Variants in ATP10B observed in about 807,000 individuals in gnomAD.
ATP10B encodes the protein phospholipid-transporting ATPase VB.
Under a neutral mutation model 141.2 loss-of-function variants are expected in ATP10B, and 122 were observed. The observed-to-expected ratio is 0.86, with a 90% CI of 0.75 to 1.00. The LOEUF is 1.00. ATP10B is among the 50% of genes least tolerant of loss of function. ATP10B has a pLI of 0.00. For synonymous variants in ATP10B, 685 were observed against 692.0 expected (o/e 0.99, Z 0.16); for missense variants, 1,876 against 1,825.3 (o/e 1.03, Z -0.51).
At chr5:160,865,887 G>A in the ATP10B span, among the ~76,000 whole-genome samples, 1,915 of 152,182 alleles carry the variant, frequency 0.013, 39 homozygotes, top group African/African-American at 0.044. Flanking sequence ...CTGCACAAAT[G>A]GCCATAATTA....
intron 24 of ATP10B, among the ~76,000 whole-genome samples, chr5:160,570,861 G>T (rs1158486285): frequency 6.6e-6 from 1 of 152,122 alleles, no homozygotes. Flanking sequence ...TGGAATTCTT[G>T]TTAGGCAGCT....
Position 160,599,294 on chromosome 5 carries a change from G to A in ATP10B, c.3364-324C>T, listed in dbSNP as rs75828755. Among the ~76,000 whole-genome samples, 61 of 152,208 alleles carry A rather than the reference G, an allele frequency of 4.0e-4. No homozygotes were observed. In the East Asian group the frequency reaches 0.011, roughly 26 times the overall value. ...AGCAAAATGATGTATGGCAAGCCCCGGAATAACATTGCTTAATTCAACATC... is the reference window on the plus strand; with the variant it reads ...AGCAAAATGATGTATGGCAAGCCCCAGAATAACATTGCTTAATTCAACATC... On this transcript the variant is annotated intron_variant, in intron 21 of 25. Coordinates refer to ENST00000327245, the MANE Select transcript of ATP10B (RefSeq NM_025153.3).
chr5:160,648,331 A>T (rs1255996139), intron 8 of ATP10B, among the ~76,000 whole-genome samples: 1 of 152,124 alleles, frequency 6.6e-6, no homozygotes, highest in Admixed American at 6.5e-5. Context: ...TATTATTATT[A>T]TTACTACTTA....
intron 1 of ATP10B, among the ~76,000 whole-genome samples, chr5:160,810,396 G>T (rs1773071846): frequency 7.6e-6 from 1 of 131,500 alleles, no homozygotes; most frequent in South Asian, 2.3e-4. Flanking sequence ...TTTTTAAAAA[G>T]TTATCTTTTT....
chr5:160,582,785 T>C (rs1412427720), intron 24 of ATP10B, among the ~76,000 whole-genome samples: 1 of 152,164 alleles, frequency 6.6e-6, no homozygotes, highest in African/African-American at 2.4e-5. Context: ...TTCCTTTCCA[T>C]TCTTTTTTCT....
At chr5:160,893,592 G>C in the ATP10B span, among the ~76,000 whole-genome samples, 1 of 152,172 alleles carries the variant, frequency 6.6e-6, no homozygotes, top group Non-Finnish European at 1.5e-5. Context: ...AGAGCACCTG[G>C]GGGAAGGGGC....
intron 7 of ATP10B, among the ~76,000 whole-genome samples, chr5:160,655,462 G>C (rs1761428277): frequency 1.3e-5 from 2 of 152,100 alleles, no homozygotes; most frequent in Non-Finnish European, 2.9e-5. Context: ...TTCCTCTGGG[G>C]CATCTCCTGT....
intron 2 of ATP10B, among the ~76,000 whole-genome samples, chr5:160,739,779 A>G (rs1767344473): frequency 6.6e-6 from 1 of 152,160 alleles, no homozygotes; most frequent in Non-Finnish European, 1.5e-5. Context: ...AAGCATTTAT[A>G]TCCATAAACA....
rs116400300 is a variant in ATP10B at position 160,784,839 on chromosome 5, T to C, written c.-331+720A>G. On this transcript the variant is annotated intron_variant, in intron 2 of 25. Transcript: ENST00000327245. The stretch of plus-strand genomic sequence containing the variant: ...AGTATCATCTTATAGTAGATACTAT[T>C]GATTGCCTTTACAATCACTATTCTT... Among the ~76,000 whole-genome samples the C allele has an allele frequency of 2.4e-3, 359 of 152,282 alleles. 1 individual carries two copies. The highest frequency in any genetic ancestry group is 8.4e-3 in the African/African-American group (348 of 41,582).
chr5:160,778,611 G>C (rs1213174347), intron 2 of ATP10B, among the ~76,000 whole-genome samples: 1 of 152,152 alleles, frequency 6.6e-6, no homozygotes, highest in Non-Finnish European at 1.5e-5. Context: ...CTCTGGGCAA[G>C]ACAATCCACT....
chr5:160,898,972 A>G, the ATP10B span, among the ~76,000 whole-genome samples: 58 of 147,556 alleles, frequency 3.9e-4, no homozygotes, highest in African/African-American at 1.3e-3. Context: ...GGAGGGGAAC[A>G]TCACACACTG....
intron 2 of ATP10B, among the ~76,000 whole-genome samples, chr5:160,755,470 T>C (rs891253066): frequency 6.6e-6 from 1 of 152,124 alleles, no homozygotes; most frequent in Non-Finnish European, 1.5e-5. Context: ...CTATATTGTA[T>C]AATATAAATA....
chr5:160,765,615 A>C (rs894437881), intron 2 of ATP10B, among the ~76,000 whole-genome samples: 7 of 152,198 alleles, frequency 4.6e-5, no homozygotes, highest in African/African-American at 1.7e-4. Flanking sequence ...AAATTCTAGA[A>C]GATAATATCA....
chr5:160,699,706 G>C (rs894800873), intron 3 of ATP10B, among the ~76,000 whole-genome samples: 1 of 152,024 alleles, frequency 6.6e-6, no homozygotes, highest in Admixed American at 6.6e-5. Flanking sequence ...CTTTTAATCA[G>C]CATTTGGGGT....
the ATP10B span, among the ~76,000 whole-genome samples, chr5:160,926,518 C>T: frequency 6.6e-6 from 1 of 152,180 alleles, no homozygotes; most frequent in Non-Finnish European, 1.5e-5. Context: ...CAGGAGCCAA[C>T]CTGAGGATCA....
At chr5:160,774,890 CAG>C (rs1321116179) in intron 2 of ATP10B, among the ~76,000 whole-genome samples, 9 of 152,244 alleles carry the variant, frequency 5.9e-5, no homozygotes, top group African/African-American at 2.2e-4. Context: ...TAGGGTTGCA[CAG>C]AGTCTCCCTC....
the ATP10B span, among the ~76,000 whole-genome samples, chr5:160,859,161 T>G: frequency 6.6e-6 from 1 of 152,088 alleles, no homozygotes; most frequent in East Asian, 1.9e-4. Context: ...TTTCCCCCTT[T>G]ATTTTTTTGT....
chr5:160,703,966 TGTTAAGGAGTA>T (rs1263692947), intron 3 of ATP10B, among the ~76,000 whole-genome samples: 14 of 152,190 alleles, frequency 9.2e-5, no homozygotes, highest in African/African-American at 3.4e-4. Context: ...CCAGGGGCAG[TGTTAAGGAGTA>T]GTAACCTTTG....
At position 160,825,900 on chromosome 5, in the gene ATP10B, C is replaced by T. The variant is rs1040901440; in HGVS notation, c.-576+26041G>A. 3.3e-5 allele frequency among the ~76,000 whole-genome samples: 5 copies of T among 152,152 alleles called. No homozygotes were observed. In the South Asian group the frequency reaches 6.2e-4, roughly 19 times the overall value. On this transcript the variant is annotated intron_variant, in intron 1 of 25. Transcript: ENST00000327245. ...TTTAGCTCCAATTTATAAGTGAGAA[C>T]GTGCAGTATTTGTTGTTTTGCTCCT...
Sources: allele counts gnomAD v4.1 joint callset (sites outside exome capture counted in the v4.1 genomes callset), GRCh38; gene constraint gnomAD v4.1.1; transcripts MANE v1.5; gene names NCBI Gene and HGNC (gene_info 2026-07-23, HGNC 2026-07-21).